Variants in CHAT observed in about 807,000 individuals in gnomAD.
The protein encoded by CHAT is acetyl CoA:choline O-acetyltransferase.
A neutral mutation model predicts 76.9 loss-of-function variants in CHAT; 61 were observed. The ratio of observed to expected loss-of-function variants is 0.79; its 90% CI spans 0.65 to 0.98. The LOEUF is 0.98. Among genes scored for constraint, CHAT ranks in the 50% least tolerant of loss-of-function variants. The pLI is 0.00. For missense variants in CHAT, 946 were observed against 986.9 expected (o/e 0.96, Z 0.56); for synonymous variants, 407 against 397.4 (o/e 1.02, Z -0.29).
chr10:49,621,928 G>A lies in CHAT; in HGVS notation c.699-169G>A, dbSNP rs57681997. 0.16 allele frequency among the ~76,000 whole-genome samples: 1,240 copies of A among 7,702 alleles called. 19 individuals carry two copies. The highest frequency in any genetic ancestry group is 0.23 in the African/African-American group (1,161 of 4,990). 5.1% of individuals were successfully genotyped at this position (7,702 alleles called of 152,430 possible). ...CACACGGGGGCGGCATACAATGGGCGATCACAGAGTTTGGCAGTGGGGATG... is the reference window on the plus strand; with the variant it reads ...CACACGGGGGCGGCATACAATGGGCAATCACAGAGTTTGGCAGTGGGGATG... On this transcript the variant is annotated intron_variant, in intron 4 of 14. Coordinates refer to ENST00000337653, the MANE Select transcript of CHAT (RefSeq NM_020549.5).
intron 7 of CHAT, 85 bp from the exon 8 acceptor site, chr10:49,646,420 C>A: frequency 6.5e-7 from 1 of 1,530,524 alleles, no homozygotes; most frequent in Non-Finnish European, 9.0e-7. Flanking sequence ...GAAGACAGGG[C>A]TGCCCTGCCC....
intron 1 of CHAT, chr10:49,615,664 A>T (rs1590553589): frequency 3.8e-6 from 1 of 260,124 alleles, no homozygotes; most frequent in African/African-American, 2.2e-5. Flanking sequence ...GTTCAGGGGG[A>T]TCTCAGAGGG....
At chr10:49,609,851 G>A (rs1258636127), upstream of CHAT, among the ~76,000 whole-genome samples, 1 of 152,196 alleles carries the variant, frequency 6.6e-6, no homozygotes, top group Non-Finnish European at 1.5e-5. Context: ...ACGCAGCGGC[G>A]GCTCACCTCG....
chr10:49,654,970 T>G, intron 11 of CHAT, 125 bp from the exon 12 acceptor site: 1 of 1,031,874 alleles, frequency 9.7e-7, no homozygotes, highest in Middle Eastern at 2.0e-4. Flanking sequence ...AATATTAAAA[T>G]GAAATATTCT....
chr10:49,624,953 T>A (rs1057219974), intron 5 of CHAT, among the ~76,000 whole-genome samples: 1 of 151,182 alleles, frequency 6.6e-6, no homozygotes, highest in South Asian at 2.1e-4. Flanking sequence ...GGTAGATGTA[T>A]GGATATATGG....
Position 49,655,417 on chromosome 10 carries a change from C to T in CHAT, c.1808C>T (p.Ala603Val). 4 of 1,614,032 alleles carry T rather than the reference C, an allele frequency of 2.5e-6. No homozygotes were observed. Among genetic ancestry groups the T allele is most frequent in the Non-Finnish European group, 3.4e-6 (4 of 1,179,996 alleles). ...GAGAAGCTTCTGCTCCTGAAGGATG[C>T]CATCCGTGCCCAGACTGCATACACA... ...ASEKLLLLKD[A>V]IRAQTAYTVM... Residue 603 changes from alanine to valine, a missense_variant, in exon 13 of 15, where the codon GCC becomes GTC. Physicochemically the swap from Ala to Val is moderately conservative, Grantham distance 64 (BLOSUM62 0). Around this residue, in one of 3 missense-constraint regions of CHAT, gnomAD observed 349 missense variants for 393.9 expected, o/e 0.89. Coordinates refer to ENST00000337653, the MANE Select transcript of CHAT (RefSeq NM_020549.5).
At chr10:49,662,427 A>G (rs1445333517) in intron 13 of CHAT, among the ~76,000 whole-genome samples, 6 of 152,224 alleles carry the variant, frequency 3.9e-5, no homozygotes, top group Non-Finnish European at 8.8e-5. Context: ...GGACTCATTC[A>G]GTGCATGTGG....
At chr10:49,617,695 G>A (rs1564471059) in intron 2 of CHAT, among the ~76,000 whole-genome samples, 1 of 152,160 alleles carries the variant, frequency 6.6e-6, no homozygotes. Flanking sequence ...CACTAACTGG[G>A]CTGGGCTTTC....
chr10:49,649,540 ACTCCGTCAGCGAGCTCCCCGCCC>A lies in CHAT; in HGVS notation c.1417_1439del (p.Ser473ProfsTer30). 1 of 1,613,778 alleles carries A rather than the reference ACTCCGTCAGCGAGCTCCCCGCCC, an allele frequency of 6.2e-7. No individual in the cohort carries two copies. The highest frequency in any genetic ancestry group is 8.5e-7 in the Non-Finnish European group (1 of 1,180,020). On this transcript the variant is annotated frameshift_variant, in exon 10 of 15. Coordinates refer to ENST00000337653, the MANE Select transcript of CHAT (RefSeq NM_020549.5). LOFTEE classifies it high-confidence loss of function. ...AGCAGCAGGAAGCTGATCCGAGCAG[ACTCCGTCAGCGAGCTCCCCGCCC>A]CCCGGAGGCTGCGGTGGAAATGCTC...
intron 5 of CHAT, 114 bp from the exon 6 acceptor site, chr10:49,625,359 C>T (rs576162920): frequency 1.7e-5 from 16 of 933,150 alleles, no homozygotes; most frequent in Non-Finnish European, 2.7e-5. Flanking sequence ...TGATGCAGTT[C>T]TGGGTTCTGT....
At chr10:49,646,365 G>T (rs992056135) in intron 7 of CHAT, 140 bp from the exon 8 acceptor site, 46 of 1,041,742 alleles carry the variant, frequency 4.4e-5, no homozygotes, top group South Asian at 1.0e-4. Context: ...GGGGCAAGGT[G>T]GGGGGTCAGG....
chr10:49,622,044 G>GATGGAA, intron 4 of CHAT, 53 bp from the exon 5 acceptor site: 1 of 1,598,672 alleles, frequency 6.3e-7, no homozygotes, highest in Non-Finnish European at 8.6e-7. Context: ...GAGGGAGGGA[G>GATGGAA]GGAGGAAGCC....
chr10:49,638,596 T>C (rs973116062), intron 7 of CHAT, among the ~76,000 whole-genome samples: 5 of 152,376 alleles, frequency 3.3e-5, no homozygotes, highest in Admixed American at 3.3e-4. Flanking sequence ...TATCTGTTTG[T>C]ATAGCTTTTT....
At chr10:49,612,669 C>T (rs1838333050), upstream of CHAT, 1 of 315,580 alleles carries the variant, frequency 3.2e-6, no homozygotes, top group Non-Finnish European at 6.1e-6. Flanking sequence ...AAACTTGGGC[C>T]GCTGCACCGC....
upstream of CHAT, chr10:49,612,323 A>G (rs1001805564): frequency 6.3e-7 from 1 of 1,591,930 alleles, no homozygotes; most frequent in Non-Finnish European, 8.6e-7. Flanking sequence ...TACAACTACT[A>G]CTACACCCGC....
intron 7 of CHAT, among the ~76,000 whole-genome samples, chr10:49,644,337 A>C (rs938411999): frequency 4.6e-5 from 7 of 152,136 alleles, no homozygotes; most frequent in Non-Finnish European, 8.8e-5. Flanking sequence ...CATGTTTAGA[A>C]ATTTGGATTC....
chr10:49,623,706 T>C (rs914796213), intron 5 of CHAT, among the ~76,000 whole-genome samples: 4 of 152,126 alleles, frequency 2.6e-5, no homozygotes, highest in African/African-American at 9.7e-5. Context: ...ACTCCTCCCA[T>C]ACCTTGTCGA....
upstream of CHAT, chr10:49,611,873 G>A (rs1564466791): frequency 3.7e-6 from 6 of 1,608,580 alleles, no homozygotes; most frequent in Non-Finnish European, 5.1e-6. Flanking sequence ...CCCGCCTGCC[G>A]CTCCTTCGCG....
At chr10:49,622,013 G>C in intron 4 of CHAT, 84 bp from the exon 5 acceptor site, 1 of 1,480,392 alleles carries the variant, frequency 6.8e-7, no homozygotes, top group Non-Finnish European at 9.4e-7. Context: ...GAAGAGGGAA[G>C]GAGGGAGGGG....
Sources: gnomAD v4.1 joint callset for allele counts (sites outside exome capture counted in the v4.1 genomes callset) on GRCh38, gnomAD v4.1.1 for gene constraint, gnomAD v4.1.1 regional missense constraint, MANE v1.5 for transcripts, NCBI Gene and HGNC (gene_info 2026-07-23, HGNC 2026-07-21) for gene names.